The following DOLPP1 variants were observed in gnomAD, a reference collection of about 807,000 sequenced individuals.
The protein encoded by DOLPP1 is dolichyldiphosphatase 1, also known as dolichyl pyrophosphate phosphatase 1.
In DOLPP1, 15 loss-of-function variants were observed where a neutral mutation model predicts 34.1. The observed-to-expected ratio is 0.44, with a 90% CI of 0.29 to 0.68. DOLPP1 has a LOEUF of 0.68. Among genes scored for constraint, DOLPP1 ranks in the 30% least tolerant of loss-of-function variants. The probability of loss-of-function intolerance (pLI) is 0.12; values close to 1 mark genes in which losing one functional copy is unlikely to be tolerated. For synonymous variants in DOLPP1, 130 were observed against 128.2 expected (o/e 1.01, Z -0.10); for missense variants, 249 against 307.1 (o/e 0.81, Z 1.41).
chr9:129,084,820 C>T (rs1371154638), intron 2 of DOLPP1, 52 bp downstream of exon 2: 6 of 1,424,734 alleles, frequency 4.2e-6, no homozygotes, highest in Non-Finnish European at 4.9e-6. Flanking sequence ...TGCCCCCACC[C>T]TGCTTTGGGA....
intron 1 of DOLPP1, among the ~76,000 whole-genome samples, chr9:129,082,912 G>A (rs187981711): frequency 6.6e-5 from 10 of 152,310 alleles, no homozygotes; most frequent in East Asian, 5.8e-4. Context: ...AGATTCTCCC[G>A]TCAGACCTCA....
At chr9:129,087,339 G>A (rs1323624424) in intron 7 of DOLPP1, among the ~76,000 whole-genome samples, 11 of 138,598 alleles carry the variant, frequency 7.9e-5, no homozygotes, top group Admixed American at 4.6e-4. Context: ...TTTTTGAGAC[G>A]GAGTCTCGCT....
chr9:129,086,879 C>T, intron 7 of DOLPP1, 81 bp downstream of exon 7: 1 of 1,221,932 alleles, frequency 8.2e-7, no homozygotes, highest in South Asian at 1.2e-5. Flanking sequence ...CTCCGGGAGC[C>T]TCGCGCCTGC....
chr9:129,088,969 A>G lies in DOLPP1; in HGVS notation c.681-2A>G. ...ACATCTGACCCCCATCCTGTTTTGC[A>G]GGAACAGACAACGCAAGCTGGGGAC... On this transcript the variant is annotated splice_acceptor_variant, in intron 7 of 7. Transcript: ENST00000372546. LOFTEE classifies it high-confidence loss of function. 6.2e-7 allele frequency: 1 copy of G among 1,613,796 alleles called. No homozygotes were observed. The highest frequency in any genetic ancestry group is 8.5e-7 in the Non-Finnish European group (1 of 1,179,924).
intron 1 of DOLPP1, 146 bp downstream of exon 1, chr9:129,081,353 G>C: frequency 9.5e-7 from 1 of 1,055,672 alleles, no homozygotes; most frequent in East Asian, 3.1e-5. Context: ...GGCTCGGCCG[G>C]CGCGCGCGCC....
At chr9:129,086,825 C>T in intron 7 of DOLPP1, 27 bp downstream of exon 7, 1 of 1,601,320 alleles carries the variant, frequency 6.2e-7, no homozygotes, top group Non-Finnish European at 8.5e-7. Flanking sequence ...GCAGTGCTCA[C>T]TGGGCCAGCC....
Position 129,089,094 on chromosome 9 carries a change from G to T in DOLPP1, c.*87G>T. ...CAGGATGACAGACAGGGACGAAGCA[G>T]AGACCTCTACAGACCCAAGTCACCA... is the stretch of plus-strand genomic sequence containing the variant. On this transcript the variant is annotated 3_prime_UTR_variant, in exon 8 of 8. Coordinates refer to ENST00000372546, the MANE Select transcript of DOLPP1 (RefSeq NM_020438.5). This position sits in a 1 kb window ranked among gnomAD's most constrained non-coding sequence, Gnocchi z 4.9. 6.9e-7 allele frequency: 1 copy of T among 1,440,264 alleles called. No homozygotes were observed. The highest frequency in any genetic ancestry group is 9.7e-7 in the Non-Finnish European group (1 of 1,026,348). 89.2% of individuals were successfully genotyped at this position (1,440,264 alleles called of 1,614,324 possible).
At chr9:129,088,119 A>G in intron 7 of DOLPP1, among the ~76,000 whole-genome samples, 1 of 106,502 alleles carries the variant, frequency 9.4e-6, no homozygotes, top group South Asian at 3.6e-4. Context: ...CTATGTGGGG[A>G]CGTGGGAGCT....
chr9:129,086,094 G>C (rs747466507), intron 5 of DOLPP1, 45 bp from the exon 6 acceptor site: 7 of 1,600,976 alleles, frequency 4.4e-6, no homozygotes, highest in Non-Finnish European at 6.0e-6. Context: ...GTGCGGGCCT[G>C]TGTCTGACTG....
At chr9:129,084,868 C>A in intron 2 of DOLPP1, 100 bp downstream of exon 2, 1 of 1,245,750 alleles carries the variant, frequency 8.0e-7, no homozygotes, top group Admixed American at 1.9e-5. Flanking sequence ...CTCATCCCTG[C>A]GTCCACCTGT....
At chr9:129,086,956 T>A (rs1847001843) in intron 7 of DOLPP1, among the ~76,000 whole-genome samples, 158 bp downstream of exon 7, 3 of 152,202 alleles carry the variant, frequency 2.0e-5, no homozygotes, top group Admixed American at 2.0e-4. Context: ...ATGATGAAAC[T>A]GAAGCTTGGA....
intron 6 of DOLPP1, 141 bp from the exon 7 acceptor site, chr9:129,086,568 C>A: frequency 1.1e-6 from 1 of 900,296 alleles, no homozygotes; most frequent in Non-Finnish European, 1.8e-6. Context: ...CTCTCAGTGG[C>A]TCTGGGGTCT....
intron 7 of DOLPP1, among the ~76,000 whole-genome samples, chr9:129,087,084 C>G (rs1377557410): frequency 6.6e-6 from 1 of 152,178 alleles, no homozygotes; most frequent in Admixed American, 6.5e-5. Context: ...AACCAGAGAG[C>G]TGGGCAGCTG....
chr9:129,084,557 C>A, intron 1 of DOLPP1, 111 bp from the exon 2 acceptor site: 1 of 848,806 alleles, frequency 1.2e-6, no homozygotes, highest in Non-Finnish European at 2.0e-6. Context: ...GGCCTCCATT[C>A]TCCAGGCCCT....
At chr9:129,088,036 G>A (rs928568929) in intron 7 of DOLPP1, among the ~76,000 whole-genome samples, 6 of 151,250 alleles carry the variant, frequency 4.0e-5, no homozygotes, top group African/African-American at 1.5e-4. Context: ...CTGTGTTCAC[G>A]GCAGGCAGGG....
At chr9:129,083,078 G>A (rs1846921145) in intron 1 of DOLPP1, among the ~76,000 whole-genome samples, 1 of 152,160 alleles carries the variant, frequency 6.6e-6, no homozygotes, top group South Asian at 2.1e-4. Context: ...CAGGGAACTC[G>A]AGTTTGGTCC....
chr9:129,088,136 G>C (rs1259711517), intron 7 of DOLPP1, among the ~76,000 whole-genome samples: 5 of 137,372 alleles, frequency 3.6e-5, no homozygotes, highest in Non-Finnish European at 8.0e-5. Context: ...AGCTGGGGGT[G>C]GGGGGAGGTG....
intron 6 of DOLPP1, 49 bp from the exon 7 acceptor site, chr9:129,086,660 A>C (rs369744085): frequency 6.4e-7 from 1 of 1,550,592 alleles, no homozygotes; most frequent in African/African-American, 1.4e-5. Flanking sequence ...GCATGGTAAC[A>C]GACTCATGCC....
Position 129,086,712 on chromosome 9 carries a change from T to C in DOLPP1, c.594T>C (p.Pro198=), listed in dbSNP as rs1458437416. The C allele has an allele frequency of 1.2e-6, 2 of 1,613,858 alleles. No individual in the cohort carries two copies. The highest frequency in any genetic ancestry group is 4.5e-5 in the East Asian group (2 of 44,884). ...TCTCTGATGTCTGTCTCTCCAGGCC[T>C]GTCTCCGAGTTCTTCCTAATCCGAG... The part of the protein sequence containing the change: ...TPLFPRIAAW[P]VSEFFLIRDT... Residue 198 remains proline, a synonymous_variant, in exon 7 of 8, where the codon CCT becomes CCC. Coordinates refer to ENST00000372546, the MANE Select transcript of DOLPP1 (RefSeq NM_020438.5).
Sources: gnomAD v4.1 joint callset for allele counts (sites outside exome capture counted in the v4.1 genomes callset) on GRCh38, gnomAD v4.1.1 for gene constraint, Gnocchi (gnomAD v3.1) non-coding constraint, MANE v1.5 for transcripts, NCBI Gene and HGNC (gene_info 2026-07-23, HGNC 2026-07-21) for gene names.